Variants in CWC22 observed in about 807,000 individuals in gnomAD.
CWC22 encodes CWC22 spliceosome associated protein.
In CWC22, 53 loss-of-function variants were observed where a neutral mutation model predicts 117.2. The observed-to-expected ratio is 0.45, with a 90% CI of 0.36 to 0.57. The LOEUF (loss-of-function observed/expected upper bound fraction) is 0.57, where lower values mean the gene tolerates loss of function less well. CWC22 is among the 20% of genes least tolerant of loss of function. The pLI is 0.00. For missense variants in CWC22, 980 were observed against 1,068.8 expected (o/e 0.92, Z 1.16); for synonymous variants, 360 against 355.6 (o/e 1.01, Z -0.14).
At chr2:179,946,300 A>G (rs1200074871) in intron 19 of CWC22, among the ~76,000 whole-genome samples, 1 of 151,822 alleles carries the variant, frequency 6.6e-6, no homozygotes, top group Non-Finnish European at 1.5e-5. Flanking sequence ...AAATTCAAAA[A>G]ATTAGCCAGC....
At chr2:179,969,613 C>T (rs1391349758) in intron 11 of CWC22, among the ~76,000 whole-genome samples, 1 of 152,092 alleles carries the variant, frequency 6.6e-6, no homozygotes, top group Non-Finnish European at 1.5e-5. Context: ...TGCTGTTAGC[C>T]TGATAAAAGA....
At chr2:179,988,509 A>G (rs1687476026) in intron 3 of CWC22, 68 bp downstream of exon 3, 2 of 815,400 alleles carry the variant, frequency 2.5e-6, no homozygotes, top group Admixed American at 5.9e-5. Context: ...GAAATCTAAG[A>G]GCTAAATTAT....
chr2:179,983,543 T>C (rs1687337536), intron 4 of CWC22, among the ~76,000 whole-genome samples: 1 of 152,178 alleles, frequency 6.6e-6, no homozygotes, highest in Non-Finnish European at 1.5e-5. Flanking sequence ...TTCTATGGCT[T>C]TGCTATTGTC....
At chr2:179,961,331 T>C (rs1309534160) in intron 13 of CWC22, among the ~76,000 whole-genome samples, 1 of 151,976 alleles carries the variant, frequency 6.6e-6, no homozygotes, top group Non-Finnish European at 1.5e-5. Context: ...TAAGTAATGA[T>C]TATGGACTTA....
intron 1 of CWC22, among the ~76,000 whole-genome samples, chr2:179,995,137 A>C (rs550824976): frequency 1.3e-5 from 2 of 152,286 alleles, no homozygotes; most frequent in South Asian, 2.1e-4. Context: ...AACAAACAAA[A>C]AAAGATTACT....
At position 179,981,840 on chromosome 2, in the gene CWC22, G is replaced by A; in HGVS notation, c.364C>T (p.Leu122=). Residue 122 remains leucine, a synonymous_variant, in exon 5 of 20, where the codon CTG becomes TTG. Coordinates refer to ENST00000410053, the MANE Select transcript of CWC22 (RefSeq NM_020943.3). ...EPATKKKKDE[L]DPLLTRTGGA... The stretch of plus-strand genomic sequence containing the variant: ...CCAGTGCGAGTAAGAAGAGGATCCA[G>A]CTCATCTTTCTTTTTCTTTGTAGCA... The A allele has an allele frequency of 1.2e-6, 2 of 1,613,734 alleles. No homozygotes were observed. The highest frequency in any genetic ancestry group is 1.7e-6 in the Non-Finnish European group (2 of 1,179,728).
chr2:180,005,334 T>G (rs753720439), intron 1 of CWC22, among the ~76,000 whole-genome samples: 1 of 152,102 alleles, frequency 6.6e-6, no homozygotes, highest in Non-Finnish European at 1.5e-5. Flanking sequence ...TCCCAGCACT[T>G]TGGGAGGCCG....
chr2:180,007,178 AATTGGCTTG>A lies in CWC22; in HGVS notation c.-434_-426del, dbSNP rs1441000476. The A allele has an allele frequency of 6.6e-6, 1 of 152,244 alleles. No homozygotes were observed. The highest frequency in any genetic ancestry group is 1.5e-5 in the Non-Finnish European group (1 of 68,042). 9.4% of individuals were successfully genotyped at this position (152,244 alleles called of 1,614,324 possible). A position where few individuals can be genotyped will look rare whatever the true frequency, so the allele number is the denominator to read the frequency against. On this transcript the variant is annotated 5_prime_UTR_variant, in exon 1 of 20. Coordinates refer to ENST00000410053, the MANE Select transcript of CWC22 (RefSeq NM_020943.3). ...TGAAATATTTAAAAACTTGACGCTC[AATTGGCTTG>A]ACACGTTATCCCTTTAATTTATTTC...
intron 13 of CWC22, among the ~76,000 whole-genome samples, chr2:179,961,122 A>T (rs1282804913): frequency 6.6e-6 from 1 of 152,018 alleles, no homozygotes; most frequent in Non-Finnish European, 1.5e-5. Context: ...TAAATATAAA[A>T]TAACTTGCAA....
At chr2:179,955,365 C>T (rs1311116633) in intron 14 of CWC22, among the ~76,000 whole-genome samples, 2 of 151,870 alleles carry the variant, frequency 1.3e-5, no homozygotes, top group Non-Finnish European at 2.9e-5. Context: ...TTAAAGGATT[C>T]TATGCAGAAT....
intron 14 of CWC22, among the ~76,000 whole-genome samples, chr2:179,957,679 ACTGAACAGCCCATCAGAG>A (rs559586794): frequency 8.7e-4 from 133 of 152,274 alleles, no homozygotes; most frequent in African/African-American, 2.7e-3. Flanking sequence ...AGAACTAGAA[ACTGAACAGCCCATCAGAG>A]CTGATACATT....
At chr2:180,001,638 C>T (rs1317243708) in intron 1 of CWC22, among the ~76,000 whole-genome samples, 2 of 152,176 alleles carry the variant, frequency 1.3e-5, no homozygotes, top group African/African-American at 4.8e-5. Flanking sequence ...CCTGATGTCT[C>T]TAATTCTTAA....
chr2:180,005,023 G>GA (rs1156980514), intron 1 of CWC22, among the ~76,000 whole-genome samples: 3,935 of 129,370 alleles, frequency 0.03, 109 homozygotes, highest in African/African-American at 0.076. Context: ...AATGCTTTCG[G>GA]AAAAAAAAAA....
chr2:179,959,879 T>C (rs1398877000), intron 13 of CWC22, among the ~76,000 whole-genome samples: 3 of 152,054 alleles, frequency 2.0e-5, no homozygotes, highest in Admixed American at 1.3e-4. Flanking sequence ...GTGAGTATCA[T>C]AGCATGTGAA....
chr2:179,956,843 C>G (rs1474040403), intron 14 of CWC22, among the ~76,000 whole-genome samples: 2 of 151,478 alleles, frequency 1.3e-5, no homozygotes, highest in Admixed American at 1.3e-4. Context: ...TTTTAAACAA[C>G]AAAACATGGT....
chr2:179,979,280 T>C (rs534704700), intron 5 of CWC22, among the ~76,000 whole-genome samples: 12 of 26,342 alleles, frequency 4.6e-4, no homozygotes, highest in Non-Finnish European at 5.8e-4. Context: ...TCATAACACA[T>C]TAAACAAGAA....
Position 179,970,128 on chromosome 2 carries a change from G to GTATA in CWC22, c.1210+369_1210+372dup, listed in dbSNP as rs1686994149. 2.6e-5 allele frequency among the ~76,000 whole-genome samples: 4 copies of GTATA among 152,238 alleles called. No individual in the cohort carries two copies. The South Asian group carries it at 8.3e-4, about 32-fold the overall frequency. On this transcript the variant is annotated intron_variant, in intron 11 of 19. Transcript: ENST00000410053. ...TAACCTGACCTCAAGAAACAATAAA[G>GTATA]TATAGCACTTTACAATAAAGTATAC...
chr2:179,960,975 T>C (rs1240369984), intron 13 of CWC22, among the ~76,000 whole-genome samples: 4 of 152,016 alleles, frequency 2.6e-5, no homozygotes, highest in Non-Finnish European at 4.4e-5. Context: ...TATATTTTTC[T>C]ATACTGCTTC....
At chr2:179,994,419 T>C (rs1687648100) in intron 1 of CWC22, among the ~76,000 whole-genome samples, 1 of 152,156 alleles carries the variant, frequency 6.6e-6, no homozygotes, top group Non-Finnish European at 1.5e-5. Flanking sequence ...CAATTATAAT[T>C]ATAATAATTA....
Sources: gnomAD v4.1 joint callset for allele counts (sites outside exome capture counted in the v4.1 genomes callset) on GRCh38, gnomAD v4.1.1 for gene constraint, MANE v1.5 for transcripts, NCBI Gene and HGNC (gene_info 2026-07-23, HGNC 2026-07-21) for gene names.